The following SETD2 variants were observed in gnomAD, a reference collection of about 807,000 sequenced individuals.
SETD2 encodes histone-lysine N-methyltransferase SETD2.
A neutral mutation model predicts 242.1 loss-of-function variants in SETD2; 31 were observed. The ratio of observed to expected loss-of-function variants is 0.13; its 90% CI spans 0.10 to 0.17. SETD2 has a LOEUF of 0.17. Among genes scored for constraint, SETD2 ranks in the 10% least tolerant of loss-of-function variants. SETD2 has a pLI of 1.00. For missense variants in SETD2, 2,481 were observed against 3,046.3 expected (o/e 0.81, Z 4.37); for synonymous variants, 1,006 against 1,066.5 (o/e 0.94, Z 1.11).
intron 1 of SETD2, among the ~76,000 whole-genome samples, chr3:47,161,748 A>C (rs1342416907): frequency 2.6e-5 from 4 of 152,026 alleles, no homozygotes; most frequent in Admixed American, 2.6e-4. Flanking sequence ...CCAGTAACGT[A>C]ATTTATTTTT....
At chr3:47,038,366 C>A (rs564896221) in intron 17 of SETD2, among the ~76,000 whole-genome samples, 1 of 152,162 alleles carries the variant, frequency 6.6e-6, no homozygotes, top group Non-Finnish European at 1.5e-5. Context: ...GTACTCCCAG[C>A]ACTTTGGGAG....
At chr3:47,033,625 T>C (rs2038872564) in intron 18 of SETD2, among the ~76,000 whole-genome samples, 1 of 147,822 alleles carries the variant, frequency 6.8e-6, no homozygotes, top group Non-Finnish European at 1.5e-5. Context: ...CTCAAGTAAC[T>C]AAAGTTATAA....
At chr3:47,156,570 C>A (rs554821289) in intron 1 of SETD2, among the ~76,000 whole-genome samples, 1 of 152,122 alleles carries the variant, frequency 6.6e-6, no homozygotes, top group Non-Finnish European at 1.5e-5. Flanking sequence ...ATACCCTAGC[C>A]TAAGCACTAG....
chr3:47,065,986 GAAC>G (rs1174699628), intron 13 of SETD2, among the ~76,000 whole-genome samples: 1 of 152,132 alleles, frequency 6.6e-6, no homozygotes, highest in African/African-American at 2.4e-5. Context: ...GTCAACCCTT[GAAC>G]AACATGAGTT....
At chr3:47,025,639 T>G (rs919926010) in intron 18 of SETD2, among the ~76,000 whole-genome samples, 3 of 152,212 alleles carry the variant, frequency 2.0e-5, no homozygotes, top group African/African-American at 7.2e-5. Flanking sequence ...CTATATATAC[T>G]GGCTTGTTCT....
intron 18 of SETD2, among the ~76,000 whole-genome samples, chr3:47,024,317 G>A (rs1559640068): frequency 1.3e-5 from 2 of 151,778 alleles, no homozygotes; most frequent in African/African-American, 4.8e-5. Flanking sequence ...CTAAAAATAC[G>A]AAAAATTAGC....
chr3:47,163,162 G>A lies in SETD2; in HGVS notation c.71+692C>T, dbSNP rs187233074. Among the ~76,000 whole-genome samples, 42 of 152,326 alleles carry A rather than the reference G, an allele frequency of 2.8e-4. 1 individual carries two copies. In the East Asian group the frequency reaches 6.6e-3, roughly 24 times the overall value. On this transcript the variant is annotated intron_variant, in intron 1 of 20. Transcript: ENST00000409792. ...CATTTTCAAGCGGAAAAACAAACCC[G>A]GTGTCACCTCAACAACGGGACCACA... is the stretch of plus-strand genomic sequence containing the variant.
intron 1 of SETD2, among the ~76,000 whole-genome samples, chr3:47,132,374 C>T (rs555698129): frequency 3.5e-4 from 54 of 152,148 alleles, no homozygotes; most frequent in African/African-American, 1.3e-3. Flanking sequence ...ATAGTCGCAG[C>T]TACTTGGGAG....
intron 17 of SETD2, among the ~76,000 whole-genome samples, chr3:47,041,900 G>A (rs969379212): frequency 6.6e-6 from 1 of 152,324 alleles, no homozygotes; most frequent in East Asian, 1.9e-4. Flanking sequence ...GAACAGCAGA[G>A]TTGAGTAGCT....
intron 1 of SETD2, among the ~76,000 whole-genome samples, chr3:47,151,827 C>CAAA (rs11360089): frequency 1.0e-5 from 1 of 99,912 alleles, no homozygotes; most frequent in African/African-American, 3.8e-5. Flanking sequence ...ACTCTTGTCT[C>CAAA]AAAAAAAAAA....
intron 18 of SETD2, among the ~76,000 whole-genome samples, chr3:47,031,314 C>T (rs2038758379): frequency 6.6e-6 from 1 of 152,182 alleles, no homozygotes; most frequent in Non-Finnish European, 1.5e-5. Context: ...CACTCTTGTG[C>T]TTTGATGTTG....
chr3:47,153,356 T>C (rs1029010482), intron 1 of SETD2, among the ~76,000 whole-genome samples: 3 of 152,194 alleles, frequency 2.0e-5, no homozygotes, highest in Non-Finnish European at 4.4e-5. Flanking sequence ...GACTTCCAAA[T>C]ACTGTATAAG....
intron 1 of SETD2, among the ~76,000 whole-genome samples, chr3:47,150,588 G>A (rs2043961433): frequency 6.6e-6 from 1 of 152,056 alleles, no homozygotes; most frequent in Admixed American, 6.6e-5. Flanking sequence ...ACCAACAGAA[G>A]AAGCATAAAA....
chr3:47,155,838 G>GTT (rs1393619220), intron 1 of SETD2, among the ~76,000 whole-genome samples: 1 of 151,694 alleles, frequency 6.6e-6, no homozygotes, highest in African/African-American at 2.4e-5. Context: ...TTTTGTTTTT[G>GTT]TTGTTTTTTT....
At chr3:47,080,131 C>CT (rs894178332) in intron 12 of SETD2, among the ~76,000 whole-genome samples, 12 of 152,112 alleles carry the variant, frequency 7.9e-5, no homozygotes, top group African/African-American at 2.9e-4. Context: ...TTAGGCAACT[C>CT]TATGTTTTAT....
chr3:47,127,375 G>A (rs2043360930), intron 1 of SETD2, among the ~76,000 whole-genome samples: 1 of 150,360 alleles, frequency 6.7e-6, no homozygotes, highest in African/African-American at 2.4e-5. Flanking sequence ...ATCCTGAAGA[G>A]ACGATTCGTT....
chr3:47,036,992 A>G (rs906489439), intron 18 of SETD2, among the ~76,000 whole-genome samples: 2 of 148,820 alleles, frequency 1.3e-5, no homozygotes, highest in African/African-American at 4.9e-5. Flanking sequence ...TCTTGGCCAT[A>G]TATCTCCCTC....
intron 17 of SETD2, among the ~76,000 whole-genome samples, chr3:47,039,827 G>A (rs2039195405): frequency 1.4e-5 from 2 of 145,394 alleles, no homozygotes; most frequent in Admixed American, 1.4e-4. Context: ...AGGTTGCAGT[G>A]AGCCGAGATC....
intron 13 of SETD2, chr3:47,064,634 ATAT>A (rs2040481420): frequency 2.4e-6 from 1 of 421,472 alleles, no homozygotes; most frequent in South Asian, 1.8e-5. Flanking sequence ...TGATTTCCTA[ATAT>A]TATAAAAATG....
Sources: gnomAD v4.1 joint callset for allele counts (sites outside exome capture counted in the v4.1 genomes callset) on GRCh38, gnomAD v4.1.1 for gene constraint, MANE v1.5 for transcripts, NCBI Gene and HGNC (gene_info 2026-07-23, HGNC 2026-07-21) for gene names.